SLC17A5: variants seen among roughly 807,000 people sequenced by gnomAD.
The protein encoded by SLC17A5 is solute carrier family 17 member 5.
Under a neutral mutation model 59.4 loss-of-function variants are expected in SLC17A5, and 47 were observed. The observed-to-expected ratio is 0.79, with a 90% CI of 0.63 to 1.01. SLC17A5 has a LOEUF of 1.01. Ranked by LOEUF, SLC17A5 falls within the 50% of genes least tolerant of loss-of-function variation. SLC17A5 has a pLI of 0.00. For synonymous variants in SLC17A5, 202 were observed against 210.7 expected (o/e 0.96, Z 0.36); for missense variants, 522 against 595.5 (o/e 0.88, Z 1.28).
intron 8 of SLC17A5, among the ~76,000 whole-genome samples, chr6:73,612,743 T>C (rs1767686636): frequency 6.6e-6 from 1 of 152,106 alleles, no homozygotes; most frequent in Admixed American, 6.6e-5. Context: ...CCTAACTGAT[T>C]AGATAGTTTT....
intron 1 of SLC17A5, among the ~76,000 whole-genome samples, chr6:73,651,478 A>G (rs2150126271): frequency 6.6e-6 from 1 of 150,940 alleles, no homozygotes; most frequent in East Asian, 1.9e-4. Flanking sequence ...AAAAAAAAAA[A>G]AAAAAATCAG....
At chr6:73,641,524 A>C (rs1040360903) in intron 3 of SLC17A5, among the ~76,000 whole-genome samples, 167 bp downstream of exon 3, 2 of 152,230 alleles carry the variant, frequency 1.3e-5, no homozygotes, top group East Asian at 3.8e-4. Flanking sequence ...TACCACAAAC[A>C]AAATCTATTC....
At chr6:73,626,777 A>C (rs1299329843) in intron 6 of SLC17A5, among the ~76,000 whole-genome samples, 1 of 152,076 alleles carries the variant, frequency 6.6e-6, no homozygotes. Flanking sequence ...GAATAACTAA[A>C]TTTTTTTATT....
At chr6:73,615,588 G>C (rs1581966074) in intron 7 of SLC17A5, 141 bp from the exon 8 acceptor site, 1 of 854,526 alleles carries the variant, frequency 1.2e-6, no homozygotes, top group East Asian at 2.7e-5. Flanking sequence ...TATAATTACA[G>C]TAAATAAGTC....
Position 73,610,385 on chromosome 6 carries a change from T to C in SLC17A5, c.1259+15A>G. 1 of 1,613,592 alleles carries C rather than the reference T, an allele frequency of 6.2e-7. No individual in the cohort carries two copies. The highest frequency in any genetic ancestry group is 8.5e-7 in the Non-Finnish European group (1 of 1,179,560). Reference sequence around the variant, plus strand: ...TTTAAAGTCAATCACAGCAAATCTTTATATTAGTACTCACGAAGGAGCAAT... The same window carrying C: ...TTTAAAGTCAATCACAGCAAATCTTCATATTAGTACTCACGAAGGAGCAAT... On this transcript the variant is annotated intron_variant, in intron 9 of 10. Transcript: ENST00000355773.
Position 73,610,490 on chromosome 6 carries a change from G to T in SLC17A5, c.1169C>A (p.Ser390Tyr), listed in dbSNP as rs763825067. Reference protein sequence around the residue: ...VAAGFIGCDYSLAVAFLTIST... With the variant: ...VAAGFIGCDYYLAVAFLTIST... ...TATAGTTAGGAAAGCAACGGCCAAA[G>T]AATAATCACAGCCAATGAAGCCAGC... Residue 390 changes from serine to tyrosine, a missense_variant, in exon 9 of 11, where the codon TCT becomes TAT. Around this residue, in one of 3 missense-constraint regions of SLC17A5, gnomAD observed 153 missense variants for 168.5 expected, o/e 0.91. Transcript: ENST00000355773. 3 of 1,614,142 alleles carry T rather than the reference G, an allele frequency of 1.9e-6. No individual in the cohort carries two copies. Among genetic ancestry groups the T allele is most frequent in the Non-Finnish European group, 8.5e-7 (1 of 1,180,022 alleles).
chr6:73,635,550 C>A, intron 5 of SLC17A5, 50 bp from the exon 6 acceptor site: 1 of 913,128 alleles, frequency 1.1e-6, no homozygotes, highest in Non-Finnish European at 1.7e-6. Context: ...TACCAAATAA[C>A]AAACAAAACA....
In SLC17A5 at chr6:73,622,295, T is replaced by C. The variant is rs1232222124; in HGVS notation, c.820-333A>G. Among the ~76,000 whole-genome samples the C allele has an allele frequency of 2.5e-5, 3 of 119,458 alleles. No homozygotes were observed. In the Admixed American group the frequency reaches 2.7e-4, roughly 11 times the overall value. 78.4% of individuals were successfully genotyped at this position (119,458 alleles called of 152,430 possible). On this transcript the variant is annotated intron_variant, in intron 6 of 10. Coordinates refer to ENST00000355773, the MANE Select transcript of SLC17A5 (RefSeq NM_012434.5). ...CAGCATTGATTTATCTATTTCTTTC[T>C]TTCTTTTTTTTTTTTTTCTTTTTTG...
At chr6:73,595,347 T>A (rs1766746996) in intron 10 of SLC17A5, 133 bp from the exon 11 acceptor site, 1 of 911,966 alleles carries the variant, frequency 1.1e-6, no homozygotes, top group Admixed American at 2.0e-5. Context: ...ACAACCCAAA[T>A]GTCCACCAGC....
At chr6:73,637,651 A>G (rs867750810) in intron 4 of SLC17A5, among the ~76,000 whole-genome samples, 9 of 152,032 alleles carry the variant, frequency 5.9e-5, no homozygotes, top group African/African-American at 2.2e-4. Context: ...TTTAACCCTT[A>G]TGTTATTTCT....
In SLC17A5 at chr6:73,608,022, C is replaced by G. The variant is rs534552843; in HGVS notation, c.1259+2378G>C. 4.6e-5 allele frequency among the ~76,000 whole-genome samples: 7 copies of G among 152,182 alleles called. No homozygotes were observed. The East Asian group carries it at 1.4e-3, about 29-fold the overall frequency. ...GAACTCCTGACCTCAGGTGATCCAC[C>G]CGCCTCAGCCTCCCAAAGTGTTGGG... On this transcript the variant is annotated intron_variant, in intron 9 of 10. Transcript: ENST00000355773.
intron 9 of SLC17A5, among the ~76,000 whole-genome samples, chr6:73,607,812 T>C (rs1165670011): frequency 6.7e-6 from 1 of 149,114 alleles, no homozygotes; most frequent in East Asian, 2.0e-4. Flanking sequence ...AGTCTCACTT[T>C]GTCACCCAGG....
At chr6:73,650,378 G>A (rs1277037242) in intron 1 of SLC17A5, among the ~76,000 whole-genome samples, 5 of 150,814 alleles carry the variant, frequency 3.3e-5, no homozygotes, top group African/African-American at 4.9e-5. Flanking sequence ...GCGTGGTGGC[G>A]GGTGCCTGTA....
intron 1 of SLC17A5, among the ~76,000 whole-genome samples, chr6:73,651,295 T>C (rs143480911): frequency 0.028 from 4,261 of 151,500 alleles, 201 homozygotes; most frequent in African/African-American, 0.096. Context: ...ACTCCGTCTC[T>C]ACTAAAAATA....
intron 2 of SLC17A5, 103 bp from the exon 3 acceptor site, chr6:73,642,027 C>T (rs1357285012): frequency 9.9e-7 from 1 of 1,006,994 alleles, no homozygotes; most frequent in South Asian, 1.3e-5. Flanking sequence ...TTTTGAACCA[C>T]TATTTTGGAC....
intron 8 of SLC17A5, 118 bp downstream of exon 8, chr6:73,615,197 T>G: frequency 1.7e-6 from 2 of 1,153,434 alleles, no homozygotes; most frequent in Non-Finnish European, 2.6e-6. Context: ...GTGTTCTGTG[T>G]TGAGTATTGT....
chr6:73,627,943 C>A, intron 6 of SLC17A5, among the ~76,000 whole-genome samples: 1 of 137,650 alleles, frequency 7.3e-6, no homozygotes, highest in African/African-American at 2.9e-5. Context: ...TTTTTTGAGA[C>A]AGGGTTTCGC....
At position 73,611,712 on chromosome 6, in the gene SLC17A5, A is replaced by C. The variant is rs589743; in HGVS notation, c.1112-1165T>G. 9.6e-3 allele frequency among the ~76,000 whole-genome samples: 1,469 copies of C among 152,230 alleles called. 30 individuals are homozygous for C. Among genetic ancestry groups the C allele is most frequent in the African/African-American group, 0.034 (1,405 of 41,534 alleles). On this transcript the variant is annotated intron_variant, in intron 8 of 10. Transcript: ENST00000355773. The stretch of plus-strand genomic sequence containing the variant: ...GAAGAGACTTAATGAGTGGGCTGTC[A>C]GTTTTTCTGTGTCTACAGCAGTGCT...
At chr6:73,645,486 C>CA (rs1333235998) in intron 1 of SLC17A5, 26 of 984,982 alleles carry the variant, frequency 2.6e-5, no homozygotes, top group Non-Finnish European at 3.1e-5. Context: ...AATGTACCAC[C>CA]ATGATTAAAA....
Sources: gnomAD v4.1 joint callset for allele counts (sites outside exome capture counted in the v4.1 genomes callset) on GRCh38, gnomAD v4.1.1 for gene constraint, gnomAD v4.1.1 regional missense constraint, MANE v1.5 for transcripts, NCBI Gene and HGNC (gene_info 2026-07-23, HGNC 2026-07-21) for gene names.